Variants in HLCS observed in about 807,000 individuals in gnomAD.
The protein encoded by HLCS is holocarboxylase synthetase, also known as biotin--protein ligase.
In HLCS, 53 loss-of-function variants were observed where a neutral mutation model predicts 75.0. The ratio of observed to expected loss-of-function variants is 0.71; its 90% CI spans 0.57 to 0.89. The LOEUF is 0.89. Ranked by LOEUF, HLCS falls within the 40% of genes least tolerant of loss-of-function variation. The probability of loss-of-function intolerance (pLI) is 0.00; values close to 1 mark genes in which losing one functional copy is unlikely to be tolerated. For synonymous variants in HLCS, 431 were observed against 428.6 expected, an observed-to-expected ratio of 1.01 and a Z score of -0.07; for missense variants, 966 against 1,074.0, an observed-to-expected ratio of 0.90 and a Z score of 1.41.
chr21:36,872,571 C>A (rs1030491030), intron 6 of HLCS, among the ~76,000 whole-genome samples: 7 of 152,150 alleles, frequency 4.6e-5, no homozygotes, highest in Non-Finnish European at 1.0e-4. Context: ...TTAGATGTGT[C>A]TGTTCTTCAA....
At chr21:36,763,094 G>A (rs1056947837) in intron 8 of HLCS, among the ~76,000 whole-genome samples, 12 of 151,986 alleles carry the variant, frequency 7.9e-5, no homozygotes, top group African/African-American at 1.9e-4. Flanking sequence ...GCACAATCTC[G>A]GCTCACCGCA....
chr21:36,964,968 T>C (rs1335726661), intron 1 of HLCS, among the ~76,000 whole-genome samples: 1 of 152,248 alleles, frequency 6.6e-6, no homozygotes, highest in Non-Finnish European at 1.5e-5. Flanking sequence ...CCATACATTG[T>C]ATGTAATGCA....
rs917322636 is a variant in HLCS at position 36,750,557 on chromosome 21, G to A, written c.*3689C>T. The stretch of plus-strand genomic sequence containing the variant: ...TTCCGCCCTAAGCCCTAAGAGTGGG[G>A]GAGGTTTAATACGGCCAATGGATCT... On this transcript the variant is annotated 3_prime_UTR_variant, in exon 11 of 11. Coordinates refer to ENST00000674895, the MANE Select transcript of HLCS (RefSeq NM_001352514.2). Among the ~76,000 whole-genome samples the A allele has an allele frequency of 5.9e-5, 9 of 152,056 alleles. No individual in the cohort carries two copies. The highest frequency in any genetic ancestry group is 2.2e-4 in the African/African-American group (9 of 41,394).
At chr21:36,917,209 C>T (rs577492979) in intron 5 of HLCS, among the ~76,000 whole-genome samples, 9 of 152,280 alleles carry the variant, frequency 5.9e-5, no homozygotes, top group African/African-American at 1.9e-4. Flanking sequence ...TGCTGTTAAT[C>T]GTGGAATCAT....
chr21:36,902,614 T>C (rs2065283273), intron 5 of HLCS, among the ~76,000 whole-genome samples: 1 of 152,216 alleles, frequency 6.6e-6, no homozygotes, highest in Admixed American at 6.5e-5. Context: ...ATTGCTTCTA[T>C]GTTCTCAATA....
chr21:36,989,038 A>ATTTT, intron 1 of HLCS, among the ~76,000 whole-genome samples: 1 of 127,158 alleles, frequency 7.9e-6, no homozygotes, highest in African/African-American at 3.1e-5. Context: ...TTATTTATTT[A>ATTTT]TTTATTTATT....
At chr21:36,844,641 C>T (rs1444076274) in intron 6 of HLCS, among the ~76,000 whole-genome samples, 2 of 151,044 alleles carry the variant, frequency 1.3e-5, no homozygotes, top group Non-Finnish European at 2.9e-5. Context: ...CACTCACGGT[C>T]AGTGATTTAT....
intron 1 of HLCS, 32 bp downstream of exon 1, chr21:36,966,412 G>GA: frequency 1.9e-6 from 1 of 531,050 alleles, no homozygotes; most frequent in Non-Finnish European, 2.4e-6. Flanking sequence ...GGCTCGCGGG[G>GA]CCCGGGTCGC....
chr21:36,750,433 G>A lies in HLCS; in HGVS notation c.*3813C>T, dbSNP rs928786319. ...GTAGAGCAGTGGGCTGGGTGTGGAG[G>A]GCAGCGCGGAGGGTATCTGCAAGAG... is the stretch of plus-strand genomic sequence containing the variant. On this transcript the variant is annotated 3_prime_UTR_variant, in exon 11 of 11. Coordinates refer to ENST00000674895, the MANE Select transcript of HLCS (RefSeq NM_001352514.2). Among the ~76,000 whole-genome samples, 3 of 152,140 alleles carry A rather than the reference G, an allele frequency of 2.0e-5. No individual in the cohort carries two copies. The highest frequency in any genetic ancestry group is 4.8e-5 in the African/African-American group (2 of 41,414).
chr21:36,984,251 G>C (rs1016725087), intron 1 of HLCS, among the ~76,000 whole-genome samples: 2 of 152,120 alleles, frequency 1.3e-5, no homozygotes, highest in South Asian at 2.1e-4. Flanking sequence ...AAGACCCCCA[G>C]TGGACGCCTG....
upstream of HLCS, among the ~76,000 whole-genome samples, chr21:36,971,083 G>A (rs939898500): frequency 4.0e-5 from 6 of 151,532 alleles, no homozygotes; most frequent in African/African-American, 1.2e-4. Context: ...TGGAACAATC[G>A]TCAAATCAAG....
intron 6 of HLCS, among the ~76,000 whole-genome samples, chr21:36,784,311 C>CT (rs34045793): frequency 0.08 from 10,504 of 130,528 alleles, 525 homozygotes; most frequent in South Asian, 0.16. Context: ...AATACCACCT[C>CT]TTTTTTTTTT....
chr21:36,960,866 T>G (rs1036320264), intron 2 of HLCS, among the ~76,000 whole-genome samples: 2 of 152,108 alleles, frequency 1.3e-5, no homozygotes, highest in African/African-American at 4.8e-5. Context: ...CACCAAAAGC[T>G]TATGCAACAC....
At chr21:36,801,270 C>A (rs1267831788) in intron 6 of HLCS, among the ~76,000 whole-genome samples, 1 of 152,164 alleles carries the variant, frequency 6.6e-6, no homozygotes, top group African/African-American at 2.4e-5. Context: ...ACTTTTCAAC[C>A]TGCAACTGAC....
chr21:36,793,023 G>A (rs2060916007), intron 6 of HLCS, among the ~76,000 whole-genome samples: 3 of 152,188 alleles, frequency 2.0e-5, no homozygotes, highest in Admixed American at 2.0e-4. Flanking sequence ...GGGGGCAGCT[G>A]CATCTGTGGT....
At chr21:36,872,921 T>C (rs1016827810) in intron 6 of HLCS, among the ~76,000 whole-genome samples, 2 of 152,154 alleles carry the variant, frequency 1.3e-5, no homozygotes, top group Non-Finnish European at 2.9e-5. Context: ...AAAATGGTCG[T>C]ATCATTTTAT....
At chr21:36,937,837 T>C (rs1034409725) in intron 3 of HLCS, among the ~76,000 whole-genome samples, 1 of 152,206 alleles carries the variant, frequency 6.6e-6, no homozygotes, top group Admixed American at 6.5e-5. Context: ...ATAGGATCAA[T>C]GGGAGAAGAT....
At chr21:36,765,226 AGACACAC>A in intron 7 of HLCS, 54 bp from the exon 8 acceptor site, 1 of 1,554,172 alleles carries the variant, frequency 6.4e-7, no homozygotes, top group African/African-American at 1.4e-5. Flanking sequence ...GGACAGACGC[AGACACAC>A]GTCATGCCAG....
At chr21:36,984,750 C>G (rs1414242004) in intron 1 of HLCS, among the ~76,000 whole-genome samples, 1 of 152,228 alleles carries the variant, frequency 6.6e-6, no homozygotes, top group African/African-American at 2.4e-5. Flanking sequence ...GACTTCACCA[C>G]TTCCCAATAT....
Sources: gnomAD v4.1 joint callset for allele counts (sites outside exome capture counted in the v4.1 genomes callset) on GRCh38, gnomAD v4.1.1 for gene constraint, MANE v1.5 for transcripts, NCBI Gene and HGNC (gene_info 2026-07-23, HGNC 2026-07-21) for gene names.